The following GLA variants were observed in gnomAD, a reference collection of about 807,000 sequenced individuals.
GLA encodes the protein galactosidase alpha.
GLA carries 4 observed loss-of-function variants against 28.2 expected under a neutral mutation model. The observed-to-expected ratio is 0.14, with a 90% CI of 0.07 to 0.32. The LOEUF is 0.32. GLA is among the 10% of genes least tolerant of loss of function. The pLI, the probability that GLA is intolerant of heterozygous loss-of-function variation, is 1.00. For synonymous variants in GLA, 94 were observed against 113.0 expected (o/e 0.83, Z 1.07); for missense variants, 203 against 323.7 (o/e 0.63, Z 2.86).
At chrX:101,405,236 CAAAAAAAAA>C (rs11448515) in intron 1 of GLA, among the ~76,000 whole-genome samples, 1 of 35,573 alleles carries the variant, frequency 2.8e-5, no homozygotes, top group Admixed American at 3.7e-4. Context: ...AACTCCAGCT[CAAAAAAAAA>C]AAAAAAAAGA....
At chrX:101,398,981 C>G (rs373390797) in intron 4 of GLA, 35 bp from the exon 5 acceptor site, 1 of 1,125,647 alleles carries the variant, frequency 8.9e-7, no homozygotes, top group African/African-American at 1.8e-5. Context: ...TGTTTACTTT[C>G]TACTAACATC....
chrX:101,400,353 G>C (rs782643694), intron 4 of GLA, among the ~76,000 whole-genome samples: 6 of 111,213 alleles, frequency 5.4e-5, no homozygotes, highest in Non-Finnish European at 1.1e-4. Flanking sequence ...AGCTTGGAAG[G>C]CCAGGGTGCA....
In GLA at chrX:101,400,715, C is replaced by T. The variant is rs201679091; in HGVS notation, c.590G>A (p.Ser197Asn). Reference sequence around the variant, plus strand: ...AGGCCACTCACAGGAGTACACAATGCTTCTGCCAGTCCTATTCAGGGCCAA... The same window carrying T: ...AGGCCACTCACAGGAGTACACAATGTTTCTGCCAGTCCTATTCAGGGCCAA... ...MSLALNRTGR[S>N]IVYSCEWPLY... The change falls in exon 4 of 7, where the codon AGC becomes AAC. Residue 197 changes from serine (S) to asparagine (N), a missense_variant. By Grantham distance (46) the Ser-to-Asn change is conservative (BLOSUM62 1). Coordinates refer to ENST00000218516, the MANE Select transcript of GLA (RefSeq NM_000169.3). The T allele has an allele frequency of 1.7e-6, 2 of 1,191,278 alleles. No individual in the cohort carries two copies. The highest frequency in any genetic ancestry group is 2.3e-4 in the Middle Eastern group (1 of 4,315).
intron 1 of GLA, among the ~76,000 whole-genome samples, chrX:101,407,461 C>CGAGAGAGAGAGAGAGAGA (rs782246787): frequency 3.4e-4 from 35 of 103,720 alleles, no homozygotes; most frequent in East Asian, 2.1e-3. Context: ...AGAAGGAGAA[C>CGAGAGAGAGAGAGAGAGA]GAGAGAGAGA....
At position 101,400,689 on chromosome X, in the gene GLA, G is replaced by C. The variant is rs730880448; in HGVS notation, c.616C>G (p.Leu206Val). The C allele has an allele frequency of 1.7e-6, 2 of 1,175,605 alleles. No individual in the cohort carries two copies. Among genetic ancestry groups the C allele is most frequent in the African/African-American group, 3.5e-5 (2 of 56,464 alleles). ...ACCTTTTGAAAGGGCCACATATAAA[G>C]AGGCCACTCACAGGAGTACACAATG... ...RSIVYSCEWP[L>V]YMWPFQKPNY... The change falls in exon 4 of 7, where the codon CTT becomes GTT. Residue 206 changes from leucine to valine, a missense_variant. Around this residue, in one of 3 missense-constraint regions of GLA, gnomAD observed 162 missense variants for 246.8 expected, o/e 0.66. Coordinates refer to ENST00000218516, the MANE Select transcript of GLA (RefSeq NM_000169.3).
intron 1 of GLA, among the ~76,000 whole-genome samples, chrX:101,406,197 GCGAGACC>G (rs1555986783): frequency 1.1e-5 from 1 of 94,941 alleles, no homozygotes; most frequent in Non-Finnish European, 2.1e-5. Flanking sequence ...GGGCGACAGA[GCGAGACC>G]CCGTCTCAAA....
Position 101,403,721 on chromosome X carries a change from G to A in GLA, c.369+90C>T. On this transcript the variant is annotated intron_variant, in intron 2 of 6. Transcript: ENST00000218516. ...TGGGATTACAGGCGTGAGCCACCAC[G>A]CCCGGCCATGAGGGCTGTTTCTAAA... 4.3e-6 allele frequency: 4 copies of A among 924,105 alleles called. No individual in the cohort carries two copies. In the South Asian group the frequency reaches 5.9e-5, roughly 14 times the overall value. 76.2% of individuals were successfully genotyped at this position (924,105 alleles called of 1,213,427 possible). A position where few individuals can be genotyped will look rare whatever the true frequency, so the allele number is the denominator to read the frequency against.
chrX:101,406,853 T>C (rs1555986922), intron 1 of GLA, among the ~76,000 whole-genome samples: 1 of 112,897 alleles, frequency 8.9e-6, no homozygotes, highest in Non-Finnish European at 1.9e-5. Flanking sequence ...CATTTTCCCA[T>C]TGAACATTTG....
At chrX:101,403,677 C>G in intron 2 of GLA, 134 bp downstream of exon 2, 1 of 592,411 alleles carries the variant, frequency 1.7e-6, no homozygotes. Context: ...GATCCACCCG[C>G]CTCGGCCTCC....
chrX:101,399,786 A>G (rs1452874862), intron 4 of GLA: 2 of 111,690 alleles, frequency 1.8e-5, no homozygotes, highest in Non-Finnish European at 3.8e-5. Context: ...AAATACTTCC[A>G]AATAGTGTGG....
intron 1 of GLA, among the ~76,000 whole-genome samples, chrX:101,404,248 G>C (rs1928420123): frequency 8.9e-6 from 1 of 112,075 alleles, no homozygotes; most frequent in African/African-American, 3.2e-5. Context: ...TTAGATCTAA[G>C]AAGACAGTTC....
At position 101,401,674 on chromosome X, in the gene GLA, A is replaced by G; in HGVS notation, c.505T>C (p.Phe169Leu). ...AAACTGTCACAGTAACAACCATCAAATTTTAGCAGATCTACTCCCCAGTCA... is the reference window on the plus strand; with the variant it reads ...AAACTGTCACAGTAACAACCATCAAGTTTTAGCAGATCTACTCCCCAGTCA... ...FADWGVDLLKFDGCYCDSLEN... is the reference protein window; with the variant it reads ...FADWGVDLLKLDGCYCDSLEN... The change falls in exon 3 of 7, where the codon TTT becomes CTT. Residue 169 changes from phenylalanine (F) to leucine (L), a missense_variant. Coordinates refer to ENST00000218516, the MANE Select transcript of GLA (RefSeq NM_000169.3). The G allele has an allele frequency of 8.3e-7, 1 of 1,210,656 alleles. No homozygotes were observed. The highest frequency in any genetic ancestry group is 1.8e-5 in the South Asian group (1 of 56,952).
chrX:101,401,624 A>G lies in GLA; in HGVS notation c.547+8T>C, dbSNP rs1228378943. On this transcript the variant is annotated splice_region_variant and intron_variant, in intron 3 of 6. Transcript: ENST00000218516. ...CTTTGTGGCTAAATCTCTGGAATGA[A>G]ACATTACCATCTGCCAAATTTTCCA... is the stretch of plus-strand genomic sequence containing the variant. 3.3e-6 allele frequency: 4 copies of G among 1,202,805 alleles called. No homozygotes were observed. The Admixed American group carries it at 6.6e-5, about 20-fold the overall frequency.
chrX:101,401,862 T>C, intron 2 of GLA, 53 bp from the exon 3 acceptor site: 3 of 1,082,881 alleles, frequency 2.8e-6, no homozygotes, highest in Non-Finnish European at 2.6e-6. Context: ...AATCGTGAGG[T>C]AGCAGAAAGA....
At chrX:101,403,759 C>T in intron 2 of GLA, 52 bp downstream of exon 2, 1 of 1,127,554 alleles carries the variant, frequency 8.9e-7, no homozygotes, top group Admixed American at 2.2e-5. Flanking sequence ...AGCTTCTGTA[C>T]AGAAGTGCTT....
chrX:101,401,173 T>C (rs939986684), intron 3 of GLA: 10 of 198,354 alleles, frequency 5.0e-5, no homozygotes, highest in Non-Finnish European at 9.2e-5. Context: ...CCTGGAAGGT[T>C]CATGTTTAAA....
At position 101,402,395 on chromosome X, in the gene GLA, A is replaced by G. The variant is rs547991441; in HGVS notation, c.370-586T>C. Among the ~76,000 whole-genome samples the G allele has an allele frequency of 3.6e-5, 4 of 112,096 alleles. No individual in the cohort carries two copies. In the South Asian group the frequency reaches 1.5e-3, roughly 41 times the overall value. On this transcript the variant is annotated intron_variant, in intron 2 of 6. Transcript: ENST00000218516. ...GACCCCCTCAATCTGCTCATTGGCT[A>G]TAAATCTCCACCTGTCTTTGTTGTA...
chrX:101,402,265 G>A (rs1928343099), intron 2 of GLA, among the ~76,000 whole-genome samples: 1 of 111,815 alleles, frequency 8.9e-6, no homozygotes, highest in African/African-American at 3.3e-5. Flanking sequence ...TGCCACCATT[G>A]ATATCTGATC....
At chrX:101,405,324 TAAAC>T (rs782719542) in intron 1 of GLA, among the ~76,000 whole-genome samples, 14 of 111,289 alleles carry the variant, frequency 1.3e-4, no homozygotes, top group African/African-American at 3.9e-4. Flanking sequence ...TTAATGGAAT[TAAAC>T]AAAGTTTCGA....
Sources: allele counts gnomAD v4.1 joint callset (sites outside exome capture counted in the v4.1 genomes callset), GRCh38; gene constraint gnomAD v4.1.1; regional missense constraint gnomAD v4.1.1; transcripts MANE v1.5; gene names NCBI Gene and HGNC (gene_info 2026-07-23, HGNC 2026-07-21).